The following DNAH8 variants were observed in gnomAD, a reference collection of about 807,000 sequenced individuals.
DNAH8 encodes the protein dynein axonemal heavy chain 8.
Under a neutral mutation model 562.1 loss-of-function variants are expected in DNAH8, and 382 were observed. The observed-to-expected ratio is 0.68, with a 90% CI of 0.63 to 0.74. The LOEUF is 0.74. Among genes scored for constraint, DNAH8 ranks in the 30% least tolerant of loss-of-function variants. The pLI, the probability that DNAH8 is intolerant of heterozygous loss-of-function variation, is 0.00. For synonymous variants in DNAH8, 1,881 were observed against 1,919.4 expected (o/e 0.98, Z 0.52); for missense variants, 5,203 against 5,620.4 (o/e 0.93, Z 2.37).
At chr6:38,975,850 G>T (rs1763632834) in intron 85 of DNAH8, among the ~76,000 whole-genome samples, 1 of 152,182 alleles carries the variant, frequency 6.6e-6, no homozygotes, top group South Asian at 2.1e-4. Context: ...TCCCAGTAGT[G>T]ATGATTCAAC....
At chr6:39,000,652 A>G (rs1475235899) in intron 88 of DNAH8, among the ~76,000 whole-genome samples, 1 of 152,176 alleles carries the variant, frequency 6.6e-6, no homozygotes, top group Non-Finnish European at 1.5e-5. Context: ...TTTCAGGAAA[A>G]CAAGCTCAGG....
At position 38,946,509 on chromosome 6, in the gene DNAH8, G is replaced by A. The variant is rs578104249; in HGVS notation, c.12129+921G>A. ...GTCCTCCAAGCCCAAACAAATGCTT[G>A]GAAAAAGAAAGTGATCTTGGGCTGG... On this transcript the variant is annotated intron_variant, in intron 80 of 92. Transcript: ENST00000327475. 2.1e-3 allele frequency among the ~76,000 whole-genome samples: 324 copies of A among 152,288 alleles called. 2 individuals are homozygous for A. Among genetic ancestry groups the A allele is most frequent in the Non-Finnish European group, 3.9e-3 (262 of 68,010 alleles).
Position 38,886,936 on chromosome 6 carries a change from G to A in DNAH8, c.8405G>A (p.Arg2802His), listed in dbSNP as rs779761647. 6 of 1,613,926 alleles carry A rather than the reference G, an allele frequency of 3.7e-6. No individual in the cohort carries two copies. The South Asian group carries it at 5.5e-5, about 15-fold the overall frequency. Residue 2802 changes from arginine (R) to histidine (H), a missense_variant, in exon 57 of 93, where the codon CGT (arginine) becomes CAT (histidine). Arg to His is a conservative substitution (Grantham distance 29). Around this residue, in one of 6 missense-constraint regions of DNAH8, gnomAD observed 977 missense variants for 1,061.8 expected, o/e 0.92. Coordinates refer to ENST00000327475, the MANE Select transcript of DNAH8 (RefSeq NM_001206927.2). ...GGTGGTCGAAATGATATTCCACAAC[G>A]TTTAAAAAGACAATTTACTGTGTTT... Reference protein sequence around the residue: ...PGGGRNDIPQRLKRQFTVFNC... With the variant: ...PGGGRNDIPQHLKRQFTVFNC...
chr6:38,978,562 T>C (rs1763823082), intron 85 of DNAH8, among the ~76,000 whole-genome samples: 2 of 152,242 alleles, frequency 1.3e-5, no homozygotes, highest in Admixed American at 6.5e-5. Flanking sequence ...CTGTCAACTA[T>C]TTTTACCTAG....
intron 91 of DNAH8, among the ~76,000 whole-genome samples, chr6:39,023,633 A>G (rs890885261): frequency 2.0e-5 from 3 of 152,364 alleles, no homozygotes; most frequent in South Asian, 2.1e-4. Flanking sequence ...TTTTCATTCC[A>G]TTAGACTTGC....
intron 17 of DNAH8, among the ~76,000 whole-genome samples, chr6:38,784,121 A>G (rs1768913967): frequency 6.6e-6 from 1 of 152,196 alleles, no homozygotes; most frequent in Non-Finnish European, 1.5e-5. Context: ...CGTCCCTAAC[A>G]GGAACCGTAG....
rs77650701 is a variant in DNAH8, at chr6:38,835,769, C to T, written c.4365+1128C>T. ...AGGTGACAGAGTGGGCAGCGAGCAC[C>T]AGTGGAGGGCCCGGTAGGCAATAAT... On this transcript the variant is annotated intron_variant, in intron 32 of 92. Coordinates refer to ENST00000327475, the MANE Select transcript of DNAH8 (RefSeq NM_001206927.2). 3.0e-3 allele frequency among the ~76,000 whole-genome samples: 456 copies of T among 152,142 alleles called. 2 individuals are homozygous for T. Among genetic ancestry groups the T allele is most frequent in the African/African-American group, 0.01 (432 of 41,502 alleles).
chr6:38,803,663 CTT>C (rs35261274), intron 22 of DNAH8, among the ~76,000 whole-genome samples: 9 of 138,592 alleles, frequency 6.5e-5, no homozygotes, highest in East Asian at 2.1e-4. Flanking sequence ...ATTTATTTTA[CTT>C]TTTTTTTTTT....
intron 52 of DNAH8, among the ~76,000 whole-genome samples, chr6:38,875,085 G>A (rs1045257346): frequency 2.6e-5 from 4 of 152,212 alleles, no homozygotes; most frequent in Non-Finnish European, 4.4e-5. Context: ...TAGCACAAAA[G>A]CAGCTAGAGA....
intron 8 of DNAH8, among the ~76,000 whole-genome samples, chr6:38,746,726 C>T (rs770247773): frequency 2.0e-5 from 3 of 152,018 alleles, no homozygotes; most frequent in African/African-American, 7.2e-5. Flanking sequence ...GTCAGGAGTT[C>T]GAGACCAGCC....
chr6:38,852,508 T>G (rs1219963186), intron 39 of DNAH8, among the ~76,000 whole-genome samples, 186 bp from the exon 40 acceptor site: 1 of 152,324 alleles, frequency 6.6e-6, no homozygotes, highest in East Asian at 1.9e-4. Context: ...AACATTCCTC[T>G]GGCCTTGATT....
intron 21 of DNAH8, among the ~76,000 whole-genome samples, chr6:38,801,616 G>A (rs912262806): frequency 6.6e-6 from 1 of 152,178 alleles, no homozygotes; most frequent in African/African-American, 2.4e-5. Context: ...TCCAGCCTCC[G>A]TTACCATTCC....
intron 62 of DNAH8, among the ~76,000 whole-genome samples, chr6:38,902,001 C>T (rs1017205176): frequency 2.6e-5 from 4 of 152,132 alleles, no homozygotes; most frequent in African/African-American, 9.7e-5. Flanking sequence ...ACATGCAATC[C>T]TCCAATCCAC....
intron 57 of DNAH8, among the ~76,000 whole-genome samples, chr6:38,889,450 G>A (rs1472775110): frequency 6.6e-6 from 1 of 152,138 alleles, no homozygotes; most frequent in Non-Finnish European, 1.5e-5. Flanking sequence ...AACGTACAAG[G>A]GCTTCTAATG....
intron 21 of DNAH8, among the ~76,000 whole-genome samples, chr6:38,795,279 A>G (rs1412994748): frequency 6.6e-6 from 1 of 152,214 alleles, no homozygotes; most frequent in Non-Finnish European, 1.5e-5. Flanking sequence ...TGGTAGTGCT[A>G]AGACTCAAGA....
intron 3 of DNAH8, among the ~76,000 whole-genome samples, chr6:38,726,229 CAA>C (rs1348326831): frequency 6.6e-6 from 1 of 152,200 alleles, no homozygotes; most frequent in Non-Finnish European, 1.5e-5. Context: ...AGACCTTCTG[CAA>C]AGAGTATAGG....
intron 21 of DNAH8, among the ~76,000 whole-genome samples, chr6:38,796,001 T>C (rs1385039759): frequency 6.6e-6 from 1 of 152,218 alleles, no homozygotes. Context: ...AGTTGTTCTT[T>C]CTGTCCTGTG....
chr6:38,729,647 C>T (rs992343809), intron 3 of DNAH8, among the ~76,000 whole-genome samples: 1 of 152,130 alleles, frequency 6.6e-6, no homozygotes, highest in African/African-American at 2.4e-5. Context: ...CCTATTTAAC[C>T]CCTATATGAT....
intron 45 of DNAH8, 33 bp from the exon 46 acceptor site, chr6:38,866,558 G>A: frequency 1.4e-6 from 2 of 1,437,532 alleles, no homozygotes; most frequent in Non-Finnish European, 1.9e-6. Flanking sequence ...AATTGTTTTA[G>A]CAATTAAAAA....
Sources: gnomAD v4.1 joint callset for allele counts (sites outside exome capture counted in the v4.1 genomes callset) on GRCh38, gnomAD v4.1.1 for gene constraint, gnomAD v4.1.1 regional missense constraint, MANE v1.5 for transcripts, NCBI Gene and HGNC (gene_info 2026-07-23, HGNC 2026-07-21) for gene names.